The following VAT1L variants were observed in gnomAD, a reference collection of about 807,000 sequenced individuals.
VAT1L encodes the protein putative NADPH-dependent quinone oxidoreductase VAT1L.
In VAT1L, 34 loss-of-function variants were observed where a neutral mutation model predicts 44.1. The observed-to-expected ratio is 0.77, with a 90% CI of 0.59 to 1.03. The LOEUF is 1.03. Ranked by LOEUF, VAT1L falls within the 50% of genes least tolerant of loss-of-function variation. The pLI, the probability that VAT1L is intolerant of heterozygous loss-of-function variation, is 0.00. For missense variants in VAT1L, 615 were observed against 538.8 expected, an observed-to-expected ratio of 1.14 and a Z score of -1.40; for synonymous variants, 253 against 202.2, an observed-to-expected ratio of 1.25 and a Z score of -2.13.
intron 8 of VAT1L, among the ~76,000 whole-genome samples, chr16:77,974,850 T>C (rs2018318622): frequency 6.6e-6 from 1 of 151,994 alleles, no homozygotes; most frequent in Admixed American, 6.6e-5. Flanking sequence ...ATTATAGACA[T>C]GAGACACTGT....
chr16:77,901,160 T>C (rs2017378364), intron 7 of VAT1L, among the ~76,000 whole-genome samples: 1 of 33,502 alleles, frequency 3.0e-5, no homozygotes, highest in African/African-American at 8.0e-5. Context: ...TACCTTTTTT[T>C]TTTTTTTTTT....
At chr16:77,821,804 G>A (rs1227346605) in intron 2 of VAT1L, among the ~76,000 whole-genome samples, 1 of 152,020 alleles carries the variant, frequency 6.6e-6, no homozygotes, top group African/African-American at 2.4e-5. Context: ...ACAGCAATAA[G>A]AAGAGATGTC....
At chr16:77,877,246 C>T (rs985742020) in intron 5 of VAT1L, among the ~76,000 whole-genome samples, 2 of 152,152 alleles carry the variant, frequency 1.3e-5, no homozygotes, top group Non-Finnish European at 2.9e-5. Context: ...CGCAGTGGCT[C>T]ACGCCTGTAA....
chr16:77,955,972 TTTAACC>T (rs1280050396), intron 7 of VAT1L, among the ~76,000 whole-genome samples: 26 of 152,148 alleles, frequency 1.7e-4, no homozygotes, highest in African/African-American at 6.3e-4. Flanking sequence ...GTATCCACTG[TTTAACC>T]TTAAGCAAAA....
chr16:77,937,565 G>A (rs886374056), intron 7 of VAT1L, among the ~76,000 whole-genome samples: 19 of 152,238 alleles, frequency 1.2e-4, no homozygotes, highest in Non-Finnish European at 2.4e-4. Flanking sequence ...ATAGTTAGAA[G>A]AGAAGTGATT....
intron 7 of VAT1L, among the ~76,000 whole-genome samples, chr16:77,899,776 T>G (rs16946774): frequency 0.22 from 34,138 of 152,188 alleles, 3,896 homozygotes; most frequent in South Asian, 0.26. Flanking sequence ...TAAGAAGACC[T>G]AGATGCGGAG....
intron 3 of VAT1L, among the ~76,000 whole-genome samples, chr16:77,853,306 G>T (rs1183123893): frequency 1.3e-5 from 2 of 152,146 alleles, no homozygotes; most frequent in Admixed American, 1.3e-4. Context: ...TAAACCCATG[G>T]ACTCTGATGT....
At chr16:77,973,079 C>T (rs1312691140) in intron 8 of VAT1L, among the ~76,000 whole-genome samples, 2 of 152,054 alleles carry the variant, frequency 1.3e-5, no homozygotes, top group Admixed American at 6.5e-5. Context: ...CACCTATTCT[C>T]CCTGGGGCCT....
intron 7 of VAT1L, among the ~76,000 whole-genome samples, chr16:77,948,300 C>G (rs1597116053): frequency 6.6e-6 from 1 of 152,176 alleles, no homozygotes; most frequent in South Asian, 2.1e-4. Flanking sequence ...CCCACAAACA[C>G]AGGCCATTTG....
chr16:77,974,230 T>A (rs1208845422), intron 8 of VAT1L, among the ~76,000 whole-genome samples: 1 of 151,522 alleles, frequency 6.6e-6, no homozygotes, highest in African/African-American at 2.4e-5. Flanking sequence ...GGGGAGGGAG[T>A]GACTTGGATC....
chr16:77,961,586 C>G (rs1424664785), intron 7 of VAT1L, among the ~76,000 whole-genome samples: 1 of 152,194 alleles, frequency 6.6e-6, no homozygotes, highest in African/African-American at 2.4e-5. Flanking sequence ...CTTCATTTGA[C>G]TTAGGATGAT....
intron 7 of VAT1L, among the ~76,000 whole-genome samples, chr16:77,925,565 C>T (rs746011544): frequency 6.6e-5 from 10 of 152,154 alleles, no homozygotes; most frequent in African/African-American, 1.2e-4. Flanking sequence ...CAGCTTTCCA[C>T]GTTCTAGCGT....
At chr16:77,907,231 C>T (rs1034940252) in intron 7 of VAT1L, among the ~76,000 whole-genome samples, 6 of 152,182 alleles carry the variant, frequency 3.9e-5, no homozygotes, top group African/African-American at 1.2e-4. Context: ...CTATCGGAGT[C>T]AGTGCCCCAT....
chr16:77,951,804 T>G (rs1018349588), intron 7 of VAT1L, among the ~76,000 whole-genome samples: 1 of 149,718 alleles, frequency 6.7e-6, no homozygotes, highest in Non-Finnish European at 1.5e-5. Flanking sequence ...TGTAGTTTTC[T>G]GTATCTGTGT....
intron 7 of VAT1L, among the ~76,000 whole-genome samples, chr16:77,888,852 G>A (rs555331092): frequency 3.9e-5 from 6 of 152,198 alleles, no homozygotes; most frequent in East Asian, 1.9e-4. Flanking sequence ...GGAATTCTAC[G>A]TTCCTGTAGC....
At chr16:77,794,138 C>T (rs115343116) in intron 1 of VAT1L, among the ~76,000 whole-genome samples, 1,693 of 152,160 alleles carry the variant, frequency 0.011, 15 homozygotes, top group South Asian at 0.02. Context: ...GAGAAAGAGA[C>T]AGAGAGACAC....
Position 77,971,865 on chromosome 16 carries a change from C to A in VAT1L, c.1093C>A (p.Gln365Lys). 6.2e-7 allele frequency: 1 copy of A among 1,613,746 alleles called. No homozygotes were observed. Among genetic ancestry groups the A allele is most frequent in the Non-Finnish European group, 8.5e-7 (1 of 1,179,808 alleles). The part of the protein sequence containing the change: ...WALEEVKEAM[Q>K]RIHDRGNIGK... ...TTTCGCGCAGGTGAAGGAGGCCATG[C>A]AGCGGATTCACGACCGAGGGAACAT... The change falls in exon 8 of 9, where the codon CAG (glutamine) becomes AAG (lysine). Residue 365 changes from glutamine to lysine, a missense_variant. By Grantham distance (53) the Gln-to-Lys change is moderately conservative (BLOSUM62 1). Transcript: ENST00000302536.
chr16:77,942,434 G>C lies in VAT1L; in HGVS notation c.1078-29416G>C, dbSNP rs190680562. 2.9e-3 allele frequency among the ~76,000 whole-genome samples: 427 copies of C among 146,714 alleles called. 2 individuals carry two copies. Among genetic ancestry groups the C allele is most frequent in the Non-Finnish European group, 3.5e-3 (236 of 66,488 alleles). The stretch of plus-strand genomic sequence containing the variant: ...CAGCCACACCATATCAATCAGTGAT[G>C]TTGAGCTTTTTTTTTCATATGCGCA... On this transcript the variant is annotated intron_variant, in intron 7 of 8. Coordinates refer to ENST00000302536, the MANE Select transcript of VAT1L (RefSeq NM_020927.3).
intron 7 of VAT1L, among the ~76,000 whole-genome samples, chr16:77,968,482 T>C (rs923870004): frequency 6.6e-6 from 1 of 152,042 alleles, no homozygotes; most frequent in African/African-American, 2.4e-5. Context: ...TCCCAGCACT[T>C]TGGGAGGCCA....
Sources: allele counts gnomAD v4.1 joint callset (sites outside exome capture counted in the v4.1 genomes callset), GRCh38; gene constraint gnomAD v4.1.1; transcripts MANE v1.5; gene names NCBI Gene and HGNC (gene_info 2026-07-23, HGNC 2026-07-21).